The following HMGN5 variants were observed in gnomAD, a reference collection of about 807,000 sequenced individuals.
HMGN5 encodes high mobility group nucleosome-binding domain-containing protein 5.
A neutral mutation model predicts 9.5 loss-of-function variants in HMGN5; 4 were observed. That is an observed-to-expected ratio of 0.42 (90% CI 0.21 to 0.96). HMGN5 has a LOEUF of 0.96. HMGN5 is among the 40% of genes least tolerant of loss of function. The pLI is 0.30. For missense variants in HMGN5, 192 were observed against 187.5 expected (o/e 1.02, Z -0.14); for synonymous variants, 55 against 57.1 (o/e 0.96, Z 0.16).
chrX:81,184,576 G>A (rs1222731575), intron 1 of HMGN5, among the ~76,000 whole-genome samples: 11 of 105,941 alleles, frequency 1.0e-4, no homozygotes, highest in African/African-American at 3.8e-4. Flanking sequence ...TTTTTGTTTT[G>A]CTTTGTTTTG....
intron 1 of HMGN5, among the ~76,000 whole-genome samples, chrX:81,195,782 A>T (rs979068010): frequency 1.8e-5 from 2 of 112,035 alleles, no homozygotes; most frequent in Non-Finnish European, 3.8e-5. Context: ...CTGCTCAGGG[A>T]CAACGCATGA....
intron 1 of HMGN5, among the ~76,000 whole-genome samples, chrX:81,153,627 ATATATATATATATG>A (rs2075374656): frequency 4.2e-5 from 2 of 47,373 alleles, no homozygotes; most frequent in African/African-American, 8.7e-5. Context: ...ATATATATAT[ATATATATATATATG>A]TATCTCCTTG....
intron 2 of HMGN5, among the ~76,000 whole-genome samples, chrX:81,120,699 T>C (rs1350087794): frequency 9.0e-6 from 1 of 111,690 alleles, no homozygotes; most frequent in Non-Finnish European, 1.9e-5. Context: ...TCGATTTCAC[T>C]TCTAGGGGAC....
chrX:81,179,237 G>A (rs776193511), intron 1 of HMGN5, among the ~76,000 whole-genome samples: 1 of 111,374 alleles, frequency 9.0e-6, no homozygotes, highest in African/African-American at 3.3e-5. Context: ...AAGTGTATTC[G>A]ATTAGGAAAA....
intron 1 of HMGN5, among the ~76,000 whole-genome samples, chrX:81,188,261 G>T (rs868537070): frequency 5.7e-5 from 3 of 52,994 alleles, no homozygotes; most frequent in African/African-American, 2.0e-4. Flanking sequence ...ACTGTGCACA[G>T]AATATTATTA....
At chrX:81,148,079 T>G (rs1310353142) in intron 1 of HMGN5, among the ~76,000 whole-genome samples, 1 of 112,068 alleles carries the variant, frequency 8.9e-6, no homozygotes, top group Non-Finnish European at 1.9e-5. Context: ...ATAGATTCAA[T>G]GCTATCCCCA....
chrX:81,166,018 G>T (rs868432405), intron 1 of HMGN5, among the ~76,000 whole-genome samples: 1 of 110,810 alleles, frequency 9.0e-6, no homozygotes, highest in Non-Finnish European at 1.9e-5. Context: ...CTCTCTCTGT[G>T]TGGGGGAGAT....
intron 1 of HMGN5, among the ~76,000 whole-genome samples, chrX:81,169,714 C>A (rs2075420220): frequency 9.0e-6 from 1 of 110,989 alleles, no homozygotes; most frequent in Admixed American, 9.6e-5. Flanking sequence ...AAGAAAAAAA[C>A]AAAGATATCC....
At chrX:81,180,261 C>T (rs1220435578) in intron 1 of HMGN5, among the ~76,000 whole-genome samples, 1 of 111,453 alleles carries the variant, frequency 9.0e-6, no homozygotes, top group Non-Finnish European at 1.9e-5. Context: ...TCAGAGTGAA[C>T]AGGCAACCTA....
At chrX:81,147,830 C>T (rs1039126543) in intron 1 of HMGN5, among the ~76,000 whole-genome samples, 1 of 111,542 alleles carries the variant, frequency 9.0e-6, no homozygotes, top group African/African-American at 3.3e-5. Context: ...CATTCCTATA[C>T]ACCAATAACA....
At chrX:81,138,621 G>C (rs763828076) in intron 1 of HMGN5, among the ~76,000 whole-genome samples, 1 of 111,422 alleles carries the variant, frequency 9.0e-6, no homozygotes, top group Admixed American at 9.6e-5. Context: ...ACACTGTGCG[G>C]GAAGTTTTAG....
intron 2 of HMGN5, among the ~76,000 whole-genome samples, chrX:81,120,340 A>G (rs1157504308): frequency 3.6e-5 from 4 of 111,453 alleles, no homozygotes; most frequent in East Asian, 5.6e-4. Flanking sequence ...TTATTCTAAG[A>G]AACTGGCCGC....
At chrX:81,131,280 G>A (rs924351581) in intron 1 of HMGN5, among the ~76,000 whole-genome samples, 1 of 111,464 alleles carries the variant, frequency 9.0e-6, no homozygotes, top group African/African-American at 3.3e-5. Context: ...CAGTGCAGCT[G>A]TGTGGGTTTT....
intron 1 of HMGN5, among the ~76,000 whole-genome samples, chrX:81,191,717 C>T (rs1439717908): frequency 8.9e-6 from 1 of 111,831 alleles, no homozygotes; most frequent in East Asian, 2.8e-4. Context: ...GCCTACACAC[C>T]CTGTTCCAGG....
At chrX:81,185,641 C>A (rs1023715355) in intron 1 of HMGN5, among the ~76,000 whole-genome samples, 3 of 111,374 alleles carry the variant, frequency 2.7e-5, no homozygotes, top group African/African-American at 9.8e-5. Flanking sequence ...CTAGGACTTC[C>A]AGTACTATGC....
chrX:81,151,138 C>T (rs984744446), intron 1 of HMGN5, among the ~76,000 whole-genome samples: 5 of 111,913 alleles, frequency 4.5e-5, no homozygotes, highest in Non-Finnish European at 7.5e-5. Flanking sequence ...GATTCCCAAA[C>T]CAGAAAAAGT....
intron 6 of HMGN5, 37 bp downstream of exon 6, chrX:81,116,167 C>G: frequency 1.8e-6 from 2 of 1,086,855 alleles, no homozygotes; most frequent in Non-Finnish European, 2.5e-6. Context: ...CATTGTTAAA[C>G]TTTCAAATAG....
chrX:81,169,507 G>C (rs763232232), intron 1 of HMGN5, among the ~76,000 whole-genome samples: 1 of 110,263 alleles, frequency 9.1e-6, no homozygotes, highest in Non-Finnish European at 1.9e-5. Context: ...GCTACCTAAC[G>C]GGCCAAATAA....
intron 1 of HMGN5, among the ~76,000 whole-genome samples, chrX:81,196,016 A>G: frequency 9.0e-6 from 1 of 111,057 alleles, no homozygotes; most frequent in Middle Eastern, 4.6e-3. Context: ...GCTGATGCAC[A>G]TCACTACATA....
Sources: gnomAD v4.1 joint callset for allele counts (sites outside exome capture counted in the v4.1 genomes callset) on GRCh38, gnomAD v4.1.1 for gene constraint, MANE v1.5 for transcripts, NCBI Gene and HGNC (gene_info 2026-07-23, HGNC 2026-07-21) for gene names.